CADM1: variants seen among roughly 807,000 people sequenced by gnomAD.
CADM1 encodes the protein TSLC-1.
In CADM1, 15 loss-of-function variants were observed where a neutral mutation model predicts 53.1. That is an observed-to-expected ratio of 0.28 (90% CI 0.19 to 0.44). CADM1 has a LOEUF of 0.44. Ranked by LOEUF, CADM1 falls within the 20% of genes least tolerant of loss-of-function variation. The probability of loss-of-function intolerance (pLI) is 1.00; values close to 1 mark genes in which losing one functional copy is unlikely to be tolerated. For missense variants in CADM1, 434 were observed against 611.3 expected, an observed-to-expected ratio of 0.71 and a Z score of 3.06; for synonymous variants, 281 against 243.0, an observed-to-expected ratio of 1.16 and a Z score of -1.45.
chr11:115,388,393 G>GCTTGA (rs1351020777), intron 1 of CADM1, among the ~76,000 whole-genome samples: 1 of 152,136 alleles, frequency 6.6e-6, no homozygotes, highest in African/African-American at 2.4e-5. Flanking sequence ...ATCATCAATA[G>GCTTGA]ATGTTAAATC....
At chr11:115,319,414 T>C (rs1182505480) in intron 1 of CADM1, among the ~76,000 whole-genome samples, 1 of 152,210 alleles carries the variant, frequency 6.6e-6, no homozygotes, top group African/African-American at 2.4e-5. Flanking sequence ...TTCAAGATTT[T>C]TGTGGAAGCA....
intron 1 of CADM1, among the ~76,000 whole-genome samples, chr11:115,258,278 C>T (rs562035755): frequency 1.3e-5 from 2 of 152,228 alleles, no homozygotes; most frequent in South Asian, 4.2e-4. Flanking sequence ...TATGATCTGC[C>T]AGCTGTGTTG....
chr11:115,251,185 A>G (rs1409789005), intron 1 of CADM1, among the ~76,000 whole-genome samples: 1 of 152,136 alleles, frequency 6.6e-6, no homozygotes, highest in Non-Finnish European at 1.5e-5. Flanking sequence ...AGGCAGCTCA[A>G]CTCCAACTTA....
chr11:115,386,754 A>G (rs959789961), intron 1 of CADM1, among the ~76,000 whole-genome samples: 16 of 152,208 alleles, frequency 1.1e-4, no homozygotes, highest in Admixed American at 1.0e-3. Flanking sequence ...CTACCTCTCA[A>G]TACTGCCTGC....
intron 1 of CADM1, among the ~76,000 whole-genome samples, chr11:115,444,330 A>G (rs1310527827): frequency 6.6e-6 from 1 of 152,196 alleles, no homozygotes; most frequent in Non-Finnish European, 1.5e-5. Context: ...ATGATGGAAT[A>G]TGGTATAGTT....
At chr11:115,266,693 T>G (rs1366084767) in intron 1 of CADM1, among the ~76,000 whole-genome samples, 1 of 152,232 alleles carries the variant, frequency 6.6e-6, no homozygotes, top group Non-Finnish European at 1.5e-5. Flanking sequence ...TATCTGTCAT[T>G]CCGTGCAGCT....
At position 115,238,584 on chromosome 11, in the gene CADM1, C is replaced by T. The variant is rs1020817643; in HGVS notation, c.340G>A (p.Val114Ile). The T allele has an allele frequency of 2.5e-5, 41 of 1,613,566 alleles. No individual in the cohort carries two copies. The highest frequency in any genetic ancestry group is 3.1e-5 in the Non-Finnish European group (37 of 1,179,752). Residue 114 changes from valine to isoleucine, a missense_variant, in exon 3 of 12, where the codon GTC (valine) becomes ATC (isoleucine). Val to Ile is a conservative substitution (Grantham distance 29). Around this residue, in one of 4 missense-constraint regions of CADM1, gnomAD observed 311 missense variants for 435.1 expected, o/e 0.71. Transcript: ENST00000331581. ...SSELKVSLTN[V>I]SISDEGRYFC... is the part of the protein sequence containing the mutation. ...TATCTTCCTTCATCAGAAATTGAGA[C>T]GTTTGTCAATGATACTTTGAGTTCA... is the stretch of plus-strand genomic sequence containing the variant.
chr11:115,386,990 A>C (rs1203729715), intron 1 of CADM1, among the ~76,000 whole-genome samples: 1 of 152,346 alleles, frequency 6.6e-6, no homozygotes, highest in East Asian at 1.9e-4. Flanking sequence ...ACCAAGTAGC[A>C]ACAGTGTATG....
chr11:115,495,252 G>A (rs1342688034), intron 1 of CADM1, among the ~76,000 whole-genome samples: 4 of 152,162 alleles, frequency 2.6e-5, no homozygotes, highest in Non-Finnish European at 4.4e-5. Flanking sequence ...TCAAGGGGAT[G>A]ACTTGTAACA....
chr11:115,261,431 G>T (rs920046694), intron 1 of CADM1, among the ~76,000 whole-genome samples: 1 of 152,078 alleles, frequency 6.6e-6, no homozygotes, highest in Non-Finnish European at 1.5e-5. Context: ...TATAGTCATG[G>T]TAGAAAAAGT....
intron 10 of CADM1, among the ~76,000 whole-genome samples, chr11:115,190,191 T>A (rs1439812860): frequency 6.6e-6 from 1 of 152,226 alleles, no homozygotes; most frequent in Admixed American, 6.5e-5. Context: ...TCCCACAACA[T>A]CATGGAAGCT....
chr11:115,479,289 T>A (rs1178181175), intron 1 of CADM1, among the ~76,000 whole-genome samples: 3 of 152,132 alleles, frequency 2.0e-5, no homozygotes, highest in African/African-American at 7.2e-5. Context: ...AAATTCTACA[T>A]TAAAATATTC....
chr11:115,454,909 T>G (rs1211748967), intron 1 of CADM1, among the ~76,000 whole-genome samples: 1 of 152,200 alleles, frequency 6.6e-6, no homozygotes, highest in Non-Finnish European at 1.5e-5. Context: ...TCTTCTGGTA[T>G]TTTAGAAAGA....
intron 1 of CADM1, among the ~76,000 whole-genome samples, chr11:115,450,693 T>A (rs1948552047): frequency 6.6e-6 from 1 of 152,232 alleles, no homozygotes; most frequent in Non-Finnish European, 1.5e-5. Context: ...AAAATTATGC[T>A]CAAGTTCCAA....
At chr11:115,396,413 T>C (rs1946997947) in intron 1 of CADM1, among the ~76,000 whole-genome samples, 3 of 152,244 alleles carry the variant, frequency 2.0e-5, no homozygotes, top group Admixed American at 1.3e-4. Flanking sequence ...GAGCCAGGGT[T>C]GAGCTACATA....
At chr11:115,409,257 G>C (rs1416417919) in intron 1 of CADM1, among the ~76,000 whole-genome samples, 3 of 152,114 alleles carry the variant, frequency 2.0e-5, no homozygotes, top group Non-Finnish European at 4.4e-5. Flanking sequence ...ACTCAAAGAA[G>C]ACATCACAAC....
intron 10 of CADM1, among the ~76,000 whole-genome samples, chr11:115,183,609 C>G (rs1939413026): frequency 6.6e-6 from 1 of 152,180 alleles, no homozygotes; most frequent in African/African-American, 2.4e-5. Flanking sequence ...ACCAAGATTT[C>G]TACCTCTGAG....
intron 1 of CADM1, among the ~76,000 whole-genome samples, chr11:115,265,266 G>A (rs950142726): frequency 6.6e-6 from 1 of 152,084 alleles, no homozygotes. Context: ...CATGAGGAAA[G>A]GAAAGAAGTG....
At chr11:115,305,515 TTTCTC>T (rs1944340795) in intron 1 of CADM1, among the ~76,000 whole-genome samples, 1 of 151,962 alleles carries the variant, frequency 6.6e-6, no homozygotes, top group African/African-American at 2.4e-5. Context: ...TTCTCAATCT[TTTCTC>T]TCCTCTCTAG....
Sources: allele counts gnomAD v4.1 joint callset (sites outside exome capture counted in the v4.1 genomes callset), GRCh38; gene constraint gnomAD v4.1.1; regional missense constraint gnomAD v4.1.1; transcripts MANE v1.5; gene names NCBI Gene and HGNC (gene_info 2026-07-23, HGNC 2026-07-21).